Variants in PROM1 observed in about 807,000 individuals in gnomAD.
PROM1 encodes prominin-1.
In PROM1, 105 loss-of-function variants were observed where a neutral mutation model predicts 116.9. The observed-to-expected ratio is 0.90, with a 90% CI of 0.77 to 1.06. The LOEUF (loss-of-function observed/expected upper bound fraction) is 1.06. Ranked by LOEUF, PROM1 falls within the 50% of genes least tolerant of loss-of-function variation. The pLI, the probability that PROM1 is intolerant of heterozygous loss-of-function variation, is 0.00. For missense variants in PROM1, 1,122 were observed against 1,045.2 expected, an observed-to-expected ratio of 1.07 and a Z score of -1.01; for synonymous variants, 393 against 387.0, an observed-to-expected ratio of 1.02 and a Z score of -0.18.
chr4:16,052,282 C>T (rs952334584), intron 2 of PROM1, among the ~76,000 whole-genome samples: 1 of 152,194 alleles, frequency 6.6e-6, no homozygotes, highest in African/African-American at 2.4e-5. Context: ...CACTGCACTC[C>T]CACAGAATCC....
chr4:16,041,771 TAAATAA>T lies in PROM1; in HGVS notation c.221-2776_221-2771del, dbSNP rs1420579010. On this transcript the variant is annotated intron_variant, in intron 2 of 27. Transcript: ENST00000447510. ...TCAAATAAATAAATAAATAAATAAA[TAAATAA>T]ATAAATAAATATATATATATATATA... Among the ~76,000 whole-genome samples the T allele has an allele frequency of 1.2e-3, 140 of 115,854 alleles. 1 individual carries two copies. The highest frequency in any genetic ancestry group is 3.8e-3 in the African/African-American group (93 of 24,434). The allele number at this position is 115,854 out of a possible 152,430, so 76.0% of individuals were successfully genotyped here. A position where few individuals can be genotyped will look rare whatever the true frequency, so the allele number is the denominator to read the frequency against.
chr4:16,066,375 C>G (rs971217726), intron 2 of PROM1, among the ~76,000 whole-genome samples: 4 of 152,062 alleles, frequency 2.6e-5, no homozygotes, highest in African/African-American at 9.7e-5. Context: ...TATAATTTAC[C>G]TAAACAAATA....
At chr4:16,029,068 C>T (rs1385123834) in intron 5 of PROM1, among the ~76,000 whole-genome samples, 1 of 152,154 alleles carries the variant, frequency 6.6e-6, no homozygotes, top group Non-Finnish European at 1.5e-5. Context: ...CAGTCTATAA[C>T]AGCTCTCTTA....
chr4:16,068,588 A>G (rs1361159828), intron 2 of PROM1, among the ~76,000 whole-genome samples: 1 of 152,220 alleles, frequency 6.6e-6, no homozygotes, highest in African/African-American at 2.4e-5. Flanking sequence ...TTTTCTGAAT[A>G]TTAAGCTAGG....
At chr4:16,023,258 G>T (rs915382313) in intron 8 of PROM1, 68 bp downstream of exon 8, 3 of 1,353,350 alleles carry the variant, frequency 2.2e-6, no homozygotes, top group East Asian at 2.5e-5. Flanking sequence ...AGAAAAGAGT[G>T]AGCAAGCCTG....
At chr4:16,010,599 G>A (rs531482411) in intron 11 of PROM1, among the ~76,000 whole-genome samples, 1 of 152,310 alleles carries the variant, frequency 6.6e-6, no homozygotes, top group South Asian at 2.1e-4. Context: ...AACCTCCTGG[G>A]CTCAAGGATC....
intron 9 of PROM1, among the ~76,000 whole-genome samples, chr4:16,017,546 C>T (rs914962374): frequency 3.9e-5 from 6 of 152,178 alleles, no homozygotes; most frequent in African/African-American, 9.7e-5. Flanking sequence ...GGTGTCCGGG[C>T]GTGGTGGCTC....
At chr4:16,005,355 C>T (rs1248522447) in intron 13 of PROM1, among the ~76,000 whole-genome samples, 5 of 152,096 alleles carry the variant, frequency 3.3e-5, no homozygotes, top group Non-Finnish European at 7.3e-5. Context: ...AGGTCATTAG[C>T]TCTAAGGTGA....
In PROM1 at chr4:16,075,952, G is replaced by T; in HGVS notation, c.-46C>A. The T allele has an allele frequency of 1.3e-6, 2 of 1,532,324 alleles. No individual in the cohort carries two copies. Among genetic ancestry groups the T allele is most frequent in the Non-Finnish European group, 1.8e-6 (2 of 1,137,496 alleles). The allele number at this position is 1,532,324 out of a possible 1,614,324, so 94.9% of individuals were successfully genotyped here. A position where few individuals can be genotyped will look rare whatever the true frequency, so the allele number is the denominator to read the frequency against. ...CATGAGGTAGAACTTGGTGCCTCCT[G>T]CCTCAGAGCTTCTGGAAGCCTTGGG... On this transcript the variant is annotated 5_prime_UTR_variant, in exon 2 of 28. Coordinates refer to ENST00000447510, the MANE Select transcript of PROM1 (RefSeq NM_006017.3).
At position 16,075,838 on chromosome 4, in the gene PROM1, AG is replaced by A. The variant is rs769087539; in HGVS notation, c.68del (p.Pro23LeufsTer36). 1.9e-6 allele frequency: 3 copies of A among 1,613,756 alleles called. No individual in the cohort carries two copies. ...LCGNSFSGGQ[P>X]SSTDAPKAWN... is the part of the protein sequence containing the mutation. ...AAGCCTTAGGAGCATCTGTGGATGA[AG>A]GCTGCCCTCCTGAAAAGGAGTTCCC... On this transcript the variant is annotated frameshift_variant, in exon 2 of 28. Transcript: ENST00000447510. LOFTEE classifies it high-confidence loss of function.
chr4:16,042,686 C>A (rs1412298810), intron 2 of PROM1, among the ~76,000 whole-genome samples: 1 of 152,168 alleles, frequency 6.6e-6, no homozygotes, highest in African/African-American at 2.4e-5. Context: ...GTTCCAGATT[C>A]CACATTGCAA....
chr4:16,004,905 C>CCCTTCCTTCCTT (rs147785330), intron 13 of PROM1, among the ~76,000 whole-genome samples: 1 of 114,410 alleles, frequency 8.7e-6, no homozygotes, highest in African/African-American at 3.4e-5. Flanking sequence ...CTCTCTCTCT[C>CCCTTCCTTCCTT]CCTTCCTTCC....
intron 15 of PROM1, among the ~76,000 whole-genome samples, chr4:15,997,891 C>A (rs1722721464): frequency 6.6e-6 from 1 of 152,118 alleles, no homozygotes. Context: ...TGATCATGAC[C>A]CCCGTGGAAC....
chr4:16,069,126 G>A (rs916734322), intron 2 of PROM1, among the ~76,000 whole-genome samples: 5 of 152,018 alleles, frequency 3.3e-5, no homozygotes, highest in African/African-American at 9.7e-5. Flanking sequence ...TCCCAGCTAC[G>A]CGGGAGGCTG....
chr4:16,018,063 T>C (rs1030976600), intron 9 of PROM1, among the ~76,000 whole-genome samples: 2 of 152,244 alleles, frequency 1.3e-5, no homozygotes, highest in Admixed American at 6.5e-5. Context: ...GTTTCCTTTT[T>C]TCTTTGTAAA....
intron 2 of PROM1, among the ~76,000 whole-genome samples, chr4:16,042,648 A>T (rs1404761110): frequency 6.6e-6 from 1 of 152,210 alleles, no homozygotes; most frequent in Admixed American, 6.5e-5. Context: ...CTGTTAATAG[A>T]TCAAACTATA....
intron 2 of PROM1, among the ~76,000 whole-genome samples, chr4:16,070,586 T>C (rs1226843311): frequency 6.6e-6 from 1 of 152,130 alleles, no homozygotes; most frequent in Non-Finnish European, 1.5e-5. Context: ...AACAAAAGAA[T>C]CAAATGAGCA....
intron 3 of PROM1, among the ~76,000 whole-genome samples, chr4:16,037,450 A>G (rs1375301871): frequency 6.6e-6 from 1 of 152,134 alleles, no homozygotes; most frequent in Non-Finnish European, 1.5e-5. Context: ...CCTCTTCTGC[A>G]TTTACTTTTC....
intron 3 of PROM1, 79 bp downstream of exon 3, chr4:16,038,867 T>C: frequency 7.4e-7 from 1 of 1,347,386 alleles, no homozygotes; most frequent in East Asian, 2.9e-5. Flanking sequence ...ACTGGTTATT[T>C]AAAGATTTAC....
Sources: allele counts gnomAD v4.1 joint callset (sites outside exome capture counted in the v4.1 genomes callset), GRCh38; gene constraint gnomAD v4.1.1; transcripts MANE v1.5; gene names NCBI Gene and HGNC (gene_info 2026-07-23, HGNC 2026-07-21).